TSNARE1: variants seen among roughly 807,000 people sequenced by gnomAD.
TSNARE1 encodes t-SNARE domain-containing protein 1.
TSNARE1 carries 49 observed loss-of-function variants against 62.0 expected under a neutral mutation model. That is an observed-to-expected ratio of 0.79 (90% CI 0.63 to 1.00). TSNARE1 has a LOEUF of 1.00. TSNARE1 is among the 50% of genes least tolerant of loss of function. The pLI, the probability that TSNARE1 is intolerant of heterozygous loss-of-function variation, is 0.00. For synonymous variants in TSNARE1, 328 were observed against 294.4 expected, an observed-to-expected ratio of 1.11 and a Z score of -1.17; for missense variants, 755 against 700.1, an observed-to-expected ratio of 1.08 and a Z score of -0.88.
intron 6 of TSNARE1, among the ~76,000 whole-genome samples, chr8:142,324,235 C>T (rs1586806499): frequency 6.6e-6 from 1 of 152,214 alleles, no homozygotes; most frequent in Non-Finnish European, 1.5e-5. Flanking sequence ...GCCCCACGAC[C>T]GCTTTACAAA....
chr8:142,259,503 T>C (rs923717425), intron 12 of TSNARE1, among the ~76,000 whole-genome samples: 4 of 152,162 alleles, frequency 2.6e-5, no homozygotes, highest in African/African-American at 9.7e-5. Context: ...CTCAGCAGAC[T>C]GGGGGAAGAA....
intron 12 of TSNARE1, among the ~76,000 whole-genome samples, chr8:142,267,118 T>G (rs948909217): frequency 6.6e-6 from 1 of 152,256 alleles, no homozygotes. Context: ...TTGCAACAGC[T>G]AAAATCTTTT....
chr8:142,315,118 G>A (rs1286660866), intron 7 of TSNARE1, 26 bp from the exon 8 acceptor site: 11 of 1,612,888 alleles, frequency 6.8e-6, no homozygotes, highest in Admixed American at 1.7e-5. Context: ...AGCTGGCACG[G>A]CATGGGAGGC....
At chr8:142,247,553 C>T (rs1443100368) in intron 12 of TSNARE1, 2 of 152,260 alleles carry the variant, frequency 1.3e-5, no homozygotes, top group African/African-American at 2.4e-5. Flanking sequence ...CAGGACAAAA[C>T]ATGTCTTGAG....
At chr8:142,314,928 C>T in intron 8 of TSNARE1, 75 bp downstream of exon 8, 2 of 1,405,156 alleles carry the variant, frequency 1.4e-6, no homozygotes, top group Non-Finnish European at 2.0e-6. Flanking sequence ...GACAAGACAG[C>T]CATGACAGTG....
At chr8:142,298,955 G>A (rs572820343) in intron 10 of TSNARE1, among the ~76,000 whole-genome samples, 86 of 152,308 alleles carry the variant, frequency 5.6e-4, no homozygotes, top group African/African-American at 1.9e-3. Flanking sequence ...TCTGTGCTTC[G>A]GGTGGTTCTC....
rs2131308899 is a variant in TSNARE1 at position 142,300,494 on chromosome 8, G to A, written c.1282C>T (p.Gln428Ter). The change falls in exon 10 of 14, where the codon CAG (glutamine) becomes TAG (stop). Residue 428 changes from glutamine to a stop codon, truncating the protein, a stop_gained. Coordinates refer to ENST00000524325, the MANE Select transcript of TSNARE1 (RefSeq NM_145003.5). LOFTEE classifies it high-confidence loss of function. ...GCCCACGCCAGCCTCACCTCCATCT[G>A]CAGGATGGCCTCCTCCCGCAGCCGG... is the stretch of plus-strand genomic sequence containing the variant. ...AIRLREEAIL[Q>*]MESNLLDVNQ... The A allele has an allele frequency of 1.2e-6, 2 of 1,603,230 alleles. No homozygotes were observed. Among genetic ancestry groups the A allele is most frequent in the Middle Eastern group, 1.7e-4 (1 of 6,054 alleles).
chr8:142,274,534 C>A lies in TSNARE1; in HGVS notation c.1446+247G>T, dbSNP rs962385827. The A allele has an allele frequency of 6.1e-6, 6 of 985,308 alleles. No individual in the cohort carries two copies. In the African/African-American group the frequency reaches 1.0e-4, roughly 17 times the overall value. 61.0% of individuals were successfully genotyped at this position (985,308 alleles called of 1,614,324 possible). ...ACCCCGGATCCATGGGAGAGGGCGG[C>A]GTGGTGCATACAAGAGAGGAGACGG... On this transcript the variant is annotated intron_variant, in intron 12 of 13. Coordinates refer to ENST00000524325, the MANE Select transcript of TSNARE1 (RefSeq NM_145003.5).
chr8:142,243,360 C>A (rs12545056), intron 12 of TSNARE1, among the ~76,000 whole-genome samples: 86,187 of 151,584 alleles, frequency 0.57, 26,586 homozygotes, highest in African/African-American at 0.82. Flanking sequence ...CTAAGTGTCC[C>A]CCCAAAGTCG....
At position 142,383,693 on chromosome 8, in the gene TSNARE1, G is replaced by A. The variant is rs563570306; in HGVS notation, c.-40+19411C>T. On this transcript the variant is annotated intron_variant, in intron 1 of 13. Transcript: ENST00000524325. ...TGTGCAGCCACCAAAAGAGGCACTG[G>A]AACATTTCCTTTTTCAATGTTCACA... Among the ~76,000 whole-genome samples, 102 of 152,322 alleles carry A rather than the reference G, an allele frequency of 6.7e-4. 1 individual carries two copies. In the South Asian group the frequency reaches 0.014, roughly 21 times the overall value.
intron 1 of TSNARE1, among the ~76,000 whole-genome samples, chr8:142,384,792 C>T (rs1470500601): frequency 6.6e-6 from 1 of 152,152 alleles, no homozygotes; most frequent in African/African-American, 2.4e-5. Context: ...TTAGCTATGA[C>T]AGACACCAAA....
intron 3 of TSNARE1, among the ~76,000 whole-genome samples, chr8:142,344,792 C>T (rs1833133061): frequency 6.6e-6 from 1 of 152,246 alleles, no homozygotes; most frequent in South Asian, 2.1e-4. Context: ...TAGGTTGCGG[C>T]CCTGGACCCT....
chr8:142,384,862 C>A (rs1837005781), intron 1 of TSNARE1, among the ~76,000 whole-genome samples: 1 of 152,120 alleles, frequency 6.6e-6, no homozygotes, highest in African/African-American at 2.4e-5. Flanking sequence ...AACTTTTGTA[C>A]ATGAAAGTAC....
chr8:142,284,233 C>A (rs984018052), intron 11 of TSNARE1, among the ~76,000 whole-genome samples, 180 bp downstream of exon 11: 1 of 152,174 alleles, frequency 6.6e-6, no homozygotes, highest in African/African-American at 2.4e-5. Context: ...ACGAGCGGAG[C>A]AGGGCTGGAG....
chr8:142,285,559 T>C (rs1822589433), intron 10 of TSNARE1, among the ~76,000 whole-genome samples: 1 of 147,022 alleles, frequency 6.8e-6, no homozygotes, highest in Non-Finnish European at 1.5e-5. Context: ...GGGGGATAGA[T>C]GAGTGGGTGA....
At chr8:142,336,844 T>A (rs1831826761) in intron 4 of TSNARE1, among the ~76,000 whole-genome samples, 1 of 152,046 alleles carries the variant, frequency 6.6e-6, no homozygotes, top group South Asian at 2.1e-4. Flanking sequence ...GAACTAGAAA[T>A]CAGTAACAGA....
At chr8:142,317,511 C>T (rs923125693) in intron 7 of TSNARE1, among the ~76,000 whole-genome samples, 3 of 152,216 alleles carry the variant, frequency 2.0e-5, no homozygotes, top group Non-Finnish European at 1.5e-5. Flanking sequence ...GCTTATGAAG[C>T]GGGTTCGGGC....
chr8:142,255,884 C>CCAT (rs1818468666), intron 12 of TSNARE1, among the ~76,000 whole-genome samples: 2 of 29,758 alleles, frequency 6.7e-5, no homozygotes, highest in Non-Finnish European at 2.2e-4. Flanking sequence ...ATCACCATCA[C>CCAT]CACCACCACC....
intron 12 of TSNARE1, chr8:142,271,734 A>C (rs1245470633): frequency 7.6e-7 from 1 of 1,308,296 alleles, no homozygotes. Flanking sequence ...CACACCCAAA[A>C]CCCAGTGATC....
Sources: gnomAD v4.1 joint callset for allele counts (sites outside exome capture counted in the v4.1 genomes callset) on GRCh38, gnomAD v4.1.1 for gene constraint, MANE v1.5 for transcripts, NCBI Gene and HGNC (gene_info 2026-07-23, HGNC 2026-07-21) for gene names.